ZNF845: variants seen among roughly 807,000 people sequenced by gnomAD.
ZNF845 encodes the protein zinc finger protein 845.
ZNF845 carries 59 observed loss-of-function variants against 76.1 expected under a neutral mutation model. The ratio of observed to expected loss-of-function variants is 0.78; its 90% CI spans 0.63 to 0.96. The LOEUF is 0.96. ZNF845 is among the 40% of genes least tolerant of loss of function. ZNF845 has a pLI of 0.00. For missense variants in ZNF845, 1,045 were observed against 1,172.8 expected (o/e 0.89, Z 1.59); for synonymous variants, 361 against 386.9 (o/e 0.93, Z 0.78).
intron 2 of ZNF845, among the ~76,000 whole-genome samples, chr19:53,342,396 C>G (rs1356144973): frequency 1.3e-5 from 2 of 152,140 alleles, no homozygotes; most frequent in Non-Finnish European, 2.9e-5. Context: ...GGATTACAGG[C>G]ATGAGCCGTG....
rs577599207 is a variant in ZNF845 at position 53,352,633 on chromosome 19, A to G, written c.1958A>G (p.His653Arg). Residue 653 changes from histidine (H) to arginine (R), a missense_variant, in exon 4 of 4, where the codon CAT becomes CGT. Physicochemically the swap from His to Arg is conservative, Grantham distance 29. Coordinates refer to ENST00000458035, the MANE Select transcript of ZNF845 (RefSeq NM_138374.3). The stretch of plus-strand genomic sequence containing the variant: ...AGTTTCAAATCAAACCTTCAAAGAC[A>G]TAGGAGAATTCATACTGGAGAGAAA... Reference protein sequence around the residue: ...AFSFKSNLQRHRRIHTGEKPY... With the variant: ...AFSFKSNLQRRRRIHTGEKPY... The G allele has an allele frequency of 5.0e-6, 8 of 1,613,896 alleles. No individual in the cohort carries two copies. The East Asian group carries it at 6.7e-5, about 13-fold the overall frequency.
At chr19:53,345,703 T>C in intron 3 of ZNF845, 71 bp downstream of exon 3, 1 of 1,599,698 alleles carries the variant, frequency 6.3e-7, no homozygotes, top group East Asian at 2.2e-5. Context: ...TTTTTTTAGA[T>C]ACAATGTCTT....
At chr19:53,346,570 A>C (rs375258598) in intron 3 of ZNF845, among the ~76,000 whole-genome samples, 6 of 152,304 alleles carry the variant, frequency 3.9e-5, no homozygotes, top group African/African-American at 1.4e-4. Flanking sequence ...AATCTCAGTT[A>C]CTCAGGAGGC....
chr19:53,343,007 C>T (rs2085267503), intron 2 of ZNF845, among the ~76,000 whole-genome samples: 1 of 152,032 alleles, frequency 6.6e-6, no homozygotes, highest in African/African-American at 2.4e-5. Flanking sequence ...TTACTAGAGA[C>T]AGGGTTTCAC....
chr19:53,345,781 C>G, intron 3 of ZNF845, 149 bp downstream of exon 3: 1 of 1,492,726 alleles, frequency 6.7e-7, no homozygotes, highest in Middle Eastern at 2.0e-4. Flanking sequence ...TTCCTGGGCT[C>G]ATGTGATTGT....
intron 1 of ZNF845, 71 bp from the exon 2 acceptor site, chr19:53,341,164 G>C: frequency 2.3e-6 from 3 of 1,327,018 alleles, no homozygotes; most frequent in Non-Finnish European, 2.1e-6. Flanking sequence ...GGTCTCCTTT[G>C]TATGTTTCAT....
At chr19:53,339,626 G>A (rs1296638025) in intron 1 of ZNF845, among the ~76,000 whole-genome samples, 3 of 152,172 alleles carry the variant, frequency 2.0e-5, no homozygotes, top group Non-Finnish European at 2.9e-5. Context: ...TAGACCCCAG[G>A]AATTTTTCTT....
chr19:53,351,798 A>G lies in ZNF845; in HGVS notation c.1123A>G (p.Lys375Glu), dbSNP rs533858956. ...SFKSNLERHR[K>E]IHTGEKPYKC... is the part of the protein sequence containing the mutation. The stretch of plus-strand genomic sequence containing the variant: ...CAAATCAAACCTTGAAAGACATAGG[A>G]AAATTCATACTGGAGAGAAACCTTA... Residue 375 changes from lysine to glutamate, a missense_variant, in exon 4 of 4, where the codon AAA becomes GAA. Transcript: ENST00000458035. The G allele has an allele frequency of 3.1e-6, 5 of 1,613,920 alleles. No homozygotes were observed. Among genetic ancestry groups the G allele is most frequent in the Non-Finnish European group, 4.2e-6 (5 of 1,179,968 alleles).
intron 2 of ZNF845, among the ~76,000 whole-genome samples, chr19:53,345,277 C>T (rs1396620784): frequency 6.6e-6 from 1 of 152,012 alleles, no homozygotes; most frequent in East Asian, 1.9e-4. Context: ...TATCGTGCCA[C>T]TGCACTCCGG....
chr19:53,336,943 T>C (rs190988610), intron 1 of ZNF845, among the ~76,000 whole-genome samples: 63 of 152,348 alleles, frequency 4.1e-4, no homozygotes, highest in Admixed American at 9.1e-4. Context: ...TTTTCAGTTT[T>C]GTTGTCATTT....
chr19:53,344,651 A>T (rs1403687938), intron 2 of ZNF845, among the ~76,000 whole-genome samples: 4 of 56,846 alleles, frequency 7.0e-5, no homozygotes, highest in Non-Finnish European at 1.3e-4. Flanking sequence ...TTATTTTGGG[A>T]TGGAGTTTCA....
intron 1 of ZNF845, among the ~76,000 whole-genome samples, chr19:53,334,508 C>G (rs2085198923): frequency 6.6e-6 from 1 of 151,888 alleles, no homozygotes; most frequent in Non-Finnish European, 1.5e-5. Context: ...AAACAAAAAA[C>G]AGCAGGAGGA....
At position 53,337,194 on chromosome 19, in the gene ZNF845, T is replaced by TA. The variant is rs1165815640; in HGVS notation, c.-74+3402_-74+3403insA. ...AAACCCTTCCTGTCTCAGGTTGCTG[T>TA]CCCTGCTCTTACCCTGTGTTCCTAA... On this transcript the variant is annotated intron_variant, in intron 1 of 3. Coordinates refer to ENST00000458035, the MANE Select transcript of ZNF845 (RefSeq NM_138374.3). 2.9e-3 allele frequency: 1,309 copies of TA among 456,738 alleles called. 10 individuals are homozygous for TA. The highest frequency in any genetic ancestry group is 0.024 in the African/African-American group (1,211 of 50,168). The allele number at this position is 456,738 out of a possible 1,614,324, so 28.3% of individuals were successfully genotyped here.
In ZNF845 at chr19:53,345,544, T is replaced by C. The variant is rs371268477; in HGVS notation, c.54T>C (p.Ser18=). Residue 18 remains serine (S), a synonymous_variant, in exon 3 of 4, where the codon TCT becomes TCC. Coordinates refer to ENST00000458035, the MANE Select transcript of ZNF845 (RefSeq NM_138374.3). ...LTFRDVAIEF[S]QEEWKCLDPA... The stretch of plus-strand genomic sequence containing the variant: ...TCAGGGATGTGGCCATAGAATTCTC[T>C]CAGGAAGAGTGGAAGTGCCTGGACC... 3.1e-4 allele frequency: 508 copies of C among 1,613,476 alleles called. 3 individuals are homozygous for C. In the South Asian group the frequency reaches 5.2e-3, roughly 17 times the overall value.
intron 3 of ZNF845, 54 bp from the exon 4 acceptor site, chr19:53,350,764 T>C (rs1042388907): frequency 1.3e-6 from 2 of 1,562,738 alleles, no homozygotes; most frequent in Admixed American, 2.0e-5. Context: ...CACATTTCAG[T>C]ATTATTTACC....
chr19:53,344,296 T>C (rs748029195), intron 2 of ZNF845, among the ~76,000 whole-genome samples: 2 of 152,132 alleles, frequency 1.3e-5, no homozygotes, highest in African/African-American at 2.4e-5. Flanking sequence ...CCTAGCACTT[T>C]GAGAGGCTGA....
At chr19:53,334,587 T>A (rs2085199536) in intron 1 of ZNF845, among the ~76,000 whole-genome samples, 1 of 150,624 alleles carries the variant, frequency 6.6e-6, no homozygotes, top group East Asian at 2.0e-4. Flanking sequence ...TGTACAGAAT[T>A]AGGGAGGGAA....
chr19:53,346,242 T>A (rs1288043350), intron 3 of ZNF845: 6 of 275,656 alleles, frequency 2.2e-5, no homozygotes, highest in Admixed American at 5.1e-5. Context: ...TCTCATTTAT[T>A]ACTTTTTGCG....
rs755758989 is a variant in ZNF845, at chr19:53,352,962, G to A, written c.2287G>A (p.Glu763Lys). Reference sequence around the variant, plus strand: ...AGTTTTCAGTCGCAAATCAAGCCTTGAAAAACACAGGAGAATTCATACTGG... The same window carrying A: ...AGTTTTCAGTCGCAAATCAAGCCTTAAAAAACACAGGAGAATTCATACTGG... The part of the protein sequence containing the change: ...DKVFSRKSSL[E>K]KHRRIHTGEK... The change falls in exon 4 of 4, where the codon GAA becomes AAA. Residue 763 changes from glutamate to lysine, a missense_variant. Glu to Lys is a moderately conservative substitution (Grantham distance 56). Coordinates refer to ENST00000458035, the MANE Select transcript of ZNF845 (RefSeq NM_138374.3). 2.2e-5 allele frequency: 36 copies of A among 1,613,688 alleles called. No individual in the cohort carries two copies. The highest frequency in any genetic ancestry group is 2.7e-5 in the Non-Finnish European group (32 of 1,179,934).
Sources: gnomAD v4.1 joint callset for allele counts (sites outside exome capture counted in the v4.1 genomes callset) on GRCh38, gnomAD v4.1.1 for gene constraint, MANE v1.5 for transcripts, NCBI Gene and HGNC (gene_info 2026-07-23, HGNC 2026-07-21) for gene names.